DDX10: variants seen among roughly 807,000 people sequenced by gnomAD.
DDX10 encodes the protein DEAD-box helicase 10, also known as probable ATP-dependent RNA helicase DDX10.
In DDX10, 74 loss-of-function variants were observed where a neutral mutation model predicts 104.3. The ratio of observed to expected loss-of-function variants is 0.71; its 90% CI spans 0.59 to 0.86. The LOEUF is 0.86. Among genes scored for constraint, DDX10 ranks in the 40% least tolerant of loss-of-function variants. The pLI is 0.00. For synonymous variants in DDX10, 351 were observed against 353.4 expected (o/e 0.99, Z 0.08); for missense variants, 952 against 1,040.0 (o/e 0.92, Z 1.16).
chr11:108,915,846 C>T (rs1424764441), intron 16 of DDX10, among the ~76,000 whole-genome samples: 1 of 150,714 alleles, frequency 6.6e-6, no homozygotes, highest in African/African-American at 2.4e-5. Context: ...ATTGTCTTTA[C>T]ATTTTTCAAC....
intron 17 of DDX10, chr11:108,918,267 G>T: frequency 4.6e-6 from 2 of 434,384 alleles, no homozygotes; most frequent in East Asian, 3.4e-5. Flanking sequence ...TATGATATAT[G>T]AGTTGTGTTT....
At chr11:108,673,618 C>A in intron 2 of DDX10, 91 bp downstream of exon 2, 1 of 922,898 alleles carries the variant, frequency 1.1e-6, no homozygotes, top group Middle Eastern at 2.3e-4. Context: ...CCTGAAAAAT[C>A]TTATTTTGGC....
At chr11:108,851,108 G>A (rs1038378244) in intron 15 of DDX10, among the ~76,000 whole-genome samples, 9 of 152,026 alleles carry the variant, frequency 5.9e-5, no homozygotes, top group Non-Finnish European at 1.3e-4. Flanking sequence ...TTGATATATA[G>A]CTATAGTCTT....
intron 1 of DDX10, among the ~76,000 whole-genome samples, chr11:108,671,633 A>G (rs1343389244): frequency 2.6e-5 from 4 of 152,222 alleles, no homozygotes; most frequent in African/African-American, 9.6e-5. Flanking sequence ...AACTACATAG[A>G]CAATAAATAA....
intron 16 of DDX10, among the ~76,000 whole-genome samples, chr11:108,887,822 A>G (rs1863319403): frequency 6.6e-6 from 1 of 152,184 alleles, no homozygotes; most frequent in South Asian, 2.1e-4. Flanking sequence ...AGGAAGACTG[A>G]GACAGGAAAA....
intron 13 of DDX10, among the ~76,000 whole-genome samples, chr11:108,804,303 G>C (rs1411232525): frequency 6.6e-6 from 1 of 151,988 alleles, no homozygotes; most frequent in Non-Finnish European, 1.5e-5. Context: ...CTTGCAGTCA[G>C]CCTGGTCAAC....
intron 16 of DDX10, among the ~76,000 whole-genome samples, chr11:108,899,086 T>C (rs1460935493): frequency 6.6e-6 from 1 of 152,200 alleles, no homozygotes; most frequent in African/African-American, 2.4e-5. Context: ...CAACTTCGTG[T>C]CTCTGCGTTA....
intron 13 of DDX10, among the ~76,000 whole-genome samples, chr11:108,823,470 G>A (rs77258115): frequency 0.032 from 4,938 of 152,168 alleles, 190 homozygotes; most frequent in African/African-American, 0.095. Context: ...CCTCTTGGGC[G>A]GCTAAGTGGA....
At chr11:108,704,115 C>T (rs1243434679) in intron 9 of DDX10, among the ~76,000 whole-genome samples, 1 of 152,100 alleles carries the variant, frequency 6.6e-6, no homozygotes, top group East Asian at 1.9e-4. Flanking sequence ...CCCAGGTGCT[C>T]CCTGGGAATG....
At chr11:108,727,773 C>T in intron 13 of DDX10, 1 of 169,770 alleles carries the variant, frequency 5.9e-6, no homozygotes, top group Non-Finnish European at 1.3e-5. Flanking sequence ...CTTGTTTGGA[C>T]CGTTTTATAC....
At chr11:108,782,956 A>G (rs995757834) in intron 13 of DDX10, among the ~76,000 whole-genome samples, 4 of 152,168 alleles carry the variant, frequency 2.6e-5, no homozygotes, top group East Asian at 1.9e-4. Flanking sequence ...TCATTTCTCT[A>G]TTCTTCACCC....
chr11:108,866,298 C>G (rs1249595664), intron 16 of DDX10, among the ~76,000 whole-genome samples: 1 of 152,114 alleles, frequency 6.6e-6, no homozygotes, highest in South Asian at 2.1e-4. Flanking sequence ...AGGACTTGGA[C>G]AGGAGTGCCA....
chr11:108,682,182 G>A (rs1053590725), intron 6 of DDX10, among the ~76,000 whole-genome samples: 1 of 152,098 alleles, frequency 6.6e-6, no homozygotes, highest in Non-Finnish European at 1.5e-5. Context: ...TCGGGTCACT[G>A]CAGCCTCTGC....
intron 13 of DDX10, among the ~76,000 whole-genome samples, chr11:108,766,408 T>C (rs2094356464): frequency 6.6e-6 from 1 of 152,212 alleles, no homozygotes; most frequent in Non-Finnish European, 1.5e-5. Context: ...TACATACCTA[T>C]GTATTTAAAC....
chr11:108,832,729 GATT>G (rs1261569395), intron 13 of DDX10, among the ~76,000 whole-genome samples: 2 of 152,154 alleles, frequency 1.3e-5, no homozygotes, highest in African/African-American at 4.8e-5. Flanking sequence ...ACTTTGGGAG[GATT>G]ATTTGGAAAT....
intron 16 of DDX10, 130 bp downstream of exon 16, chr11:108,852,339 A>G (rs1862805576): frequency 8.0e-6 from 5 of 625,124 alleles, no homozygotes; most frequent in Non-Finnish European, 1.1e-5. Context: ...TTCAACATGG[A>G]TTTTATATAT....
intron 14 of DDX10, 119 bp downstream of exon 14, chr11:108,838,684 C>T: frequency 1.7e-6 from 2 of 1,160,958 alleles, no homozygotes; most frequent in Non-Finnish European, 2.4e-6. Context: ...CATGCTGGGC[C>T]ATTCCTTTCA....
At chr11:108,811,894 G>GA (rs1555028211) in intron 13 of DDX10, among the ~76,000 whole-genome samples, 1 of 148,840 alleles carries the variant, frequency 6.7e-6, no homozygotes, top group South Asian at 2.2e-4. Flanking sequence ...TATAAATATG[G>GA]GGGGGGGAAG....
chr11:108,677,222 T>C lies in DDX10; in HGVS notation c.516T>C (p.Ala172=). 6.2e-7 allele frequency: 1 copy of C among 1,613,740 alleles called. No homozygotes were observed. The highest frequency in any genetic ancestry group is 8.5e-7 in the Non-Finnish European group (1 of 1,179,748). The change falls in exon 4 of 18, where the codon GCT becomes GCC. Residue 172 remains alanine (A), a synonymous_variant. Coordinates refer to ENST00000322536, the MANE Select transcript of DDX10 (RefSeq NM_004398.4). ...TAGGAAAGAATCATGACTTCTCAGC[T>C]GGTCTCATCATTGGTGGAAAGGTTT... ...RKVGKNHDFS[A]GLIIGGKDLK...
Sources: gnomAD v4.1 joint callset for allele counts (sites outside exome capture counted in the v4.1 genomes callset) on GRCh38, gnomAD v4.1.1 for gene constraint, MANE v1.5 for transcripts, NCBI Gene and HGNC (gene_info 2026-07-23, HGNC 2026-07-21) for gene names.